HERPUD2: variants seen among roughly 807,000 people sequenced by gnomAD.
HERPUD2 encodes the protein HERPUD family member 2.
A neutral mutation model predicts 49.9 loss-of-function variants in HERPUD2; 13 were observed. The observed-to-expected ratio is 0.26, with a 90% CI of 0.17 to 0.41. The LOEUF is 0.41. Among genes scored for constraint, HERPUD2 ranks in the 10% least tolerant of loss-of-function variants. HERPUD2 has a pLI of 1.00. For missense variants in HERPUD2, 449 were observed against 492.2 expected, an observed-to-expected ratio of 0.91 and a Z score of 0.83; for synonymous variants, 172 against 171.4, an observed-to-expected ratio of 1.00 and a Z score of -0.03.
chr7:35,673,891 A>G (rs1356478357), intron 2 of HERPUD2, among the ~76,000 whole-genome samples: 1 of 152,182 alleles, frequency 6.6e-6, no homozygotes, highest in African/African-American at 2.4e-5. Context: ...ACAAGACTAA[A>G]GAAAAATCAA....
rs1786271289 is a variant in HERPUD2, at chr7:35,694,444, G to A, written c.-114C>T. 5 of 1,088,518 alleles carry A rather than the reference G, an allele frequency of 4.6e-6. No individual in the cohort carries two copies. The highest frequency in any genetic ancestry group is 5.5e-6 in the Non-Finnish European group (4 of 731,604). 67.4% of individuals were successfully genotyped at this position (1,088,518 alleles called of 1,614,324 possible). Reference sequence around the variant, plus strand: ...GACAGAAGTGAGTTCTTAGTATTCCGTGTCCAAGTCAGTTACAAGTGCACT... The same window carrying A: ...GACAGAAGTGAGTTCTTAGTATTCCATGTCCAAGTCAGTTACAAGTGCACT... On this transcript the variant is annotated 5_prime_UTR_variant, in exon 2 of 9. The change creates a new upstream start codon in the 5' untranslated region. Coordinates refer to ENST00000311350, the MANE Select transcript of HERPUD2 (RefSeq NM_022373.5).
chr7:35,677,533 T>C (rs1226462862), intron 2 of HERPUD2, among the ~76,000 whole-genome samples: 2 of 152,182 alleles, frequency 1.3e-5, no homozygotes, highest in African/African-American at 4.8e-5. Context: ...CTAATTGGAA[T>C]TGATTCAAGA....
intron 6 of HERPUD2, among the ~76,000 whole-genome samples, chr7:35,637,272 T>A (rs2115826518): frequency 6.6e-6 from 1 of 152,254 alleles, no homozygotes; most frequent in South Asian, 2.1e-4. Context: ...AAAGAGCTAT[T>A]GAAGTCAAGT....
At chr7:35,668,037 T>C (rs1785573437) in intron 4 of HERPUD2, among the ~76,000 whole-genome samples, 1 of 151,296 alleles carries the variant, frequency 6.6e-6, no homozygotes, top group Admixed American at 6.6e-5. Context: ...CATGCTATTG[T>C]TAACATATTG....
chr7:35,678,239 T>TA (rs34474837), intron 2 of HERPUD2, among the ~76,000 whole-genome samples: 130 of 145,424 alleles, frequency 8.9e-4, no homozygotes, highest in Middle Eastern at 3.5e-3. Context: ...TTCACATTAT[T>TA]AAAAAAAAAA....
At chr7:35,662,010 T>C (rs1231411543) in intron 5 of HERPUD2, among the ~76,000 whole-genome samples, 1 of 152,314 alleles carries the variant, frequency 6.6e-6, no homozygotes, top group Admixed American at 6.5e-5. Flanking sequence ...TGGCTGTGGG[T>C]GTGTCATAAA....
At chr7:35,656,998 CAA>C (rs1285561378) in intron 5 of HERPUD2, among the ~76,000 whole-genome samples, 2 of 151,998 alleles carry the variant, frequency 1.3e-5, no homozygotes, top group Non-Finnish European at 2.9e-5. Flanking sequence ...ACAACAAAAA[CAA>C]AAATAGACAA....
In HERPUD2 at chr7:35,635,255, C is replaced by A. The variant is rs765265644; in HGVS notation, c.821G>T (p.Arg274Leu). The change falls in exon 7 of 9, where the codon CGA becomes CTA. Residue 274 changes from arginine (R) to leucine (L), a missense_variant. By Grantham distance (102) the Arg-to-Leu change is moderately radical (BLOSUM62 -2). Coordinates refer to ENST00000311350, the MANE Select transcript of HERPUD2 (RefSeq NM_022373.5). ...CGTGTACATCCAGTCTAGCCAGTCT[C>A]GATTGAAGTCTTCTTCATTTAGTAC... is the stretch of plus-strand genomic sequence containing the variant. ...GPVLNEEDFN[R>L]DWLDWMYTFS... is the part of the protein sequence containing the mutation. 2 of 1,614,010 alleles carry A rather than the reference C, an allele frequency of 1.2e-6. No individual in the cohort carries two copies. The highest frequency in any genetic ancestry group is 1.7e-6 in the Non-Finnish European group (2 of 1,179,892).
At chr7:35,665,530 T>G (rs530279270) in intron 5 of HERPUD2, among the ~76,000 whole-genome samples, 10 of 152,354 alleles carry the variant, frequency 6.6e-5, no homozygotes, top group Admixed American at 6.5e-4. Flanking sequence ...GCTTCCCTTT[T>G]GTAGTAAAGG....
At chr7:35,643,118 TAGAG>T (rs1186987518) in intron 5 of HERPUD2, among the ~76,000 whole-genome samples, 2 of 152,166 alleles carry the variant, frequency 1.3e-5, no homozygotes, top group Non-Finnish European at 2.9e-5. Flanking sequence ...CCTCTAATAA[TAGAG>T]AGAAACTGGA....
chr7:35,691,000 C>T (rs1346949635), intron 2 of HERPUD2, among the ~76,000 whole-genome samples: 1 of 152,198 alleles, frequency 6.6e-6, no homozygotes, highest in Non-Finnish European at 1.5e-5. Flanking sequence ...ACACACAGAA[C>T]ATCCCTCCTG....
In HERPUD2 at chr7:35,686,735, A is replaced by C. The variant is rs551505218; in HGVS notation, c.147+7449T>G. On this transcript the variant is annotated intron_variant, in intron 2 of 8. Transcript: ENST00000311350. ...CTCCGTCTCAAAAAAAAAAAAAAAA[A>C]AAAAAAAAAACCAAACCCATTTCCA... is the stretch of plus-strand genomic sequence containing the variant. Among the ~76,000 whole-genome samples the C allele has an allele frequency of 1.0e-3, 98 of 96,384 alleles. 7 individuals carry two copies. Among genetic ancestry groups the C allele is most frequent in the African/African-American group, 4.0e-3 (85 of 21,002 alleles). The allele number at this position is 96,384 out of a possible 152,430, so 63.2% of individuals were successfully genotyped here.
At chr7:35,635,680 T>C (rs1214425330) in intron 6 of HERPUD2, among the ~76,000 whole-genome samples, 1 of 152,166 alleles carries the variant, frequency 6.6e-6, no homozygotes, top group Non-Finnish European at 1.5e-5. Context: ...CAGCCTGCTA[T>C]TGTAAGATGA....
At position 35,633,365 on chromosome 7, in the gene HERPUD2, G is replaced by T; in HGVS notation, c.*325C>A. The T allele has an allele frequency of 6.3e-6, 1 of 157,808 alleles. No homozygotes were observed. Among genetic ancestry groups the T allele is most frequent in the Non-Finnish European group, 1.4e-5 (1 of 71,784 alleles). The allele number at this position is 157,808 out of a possible 1,614,324, so 9.8% of individuals were successfully genotyped here. A position where few individuals can be genotyped will look rare whatever the true frequency, so the allele number is the denominator to read the frequency against. On this transcript the variant is annotated 3_prime_UTR_variant, in exon 9 of 9. Transcript: ENST00000311350. The stretch of plus-strand genomic sequence containing the variant: ...ATTACAGACGTGAGCCATGGCGCCC[G>T]GCCAATGAAGCAGCTCTTTAAAGAA...
intron 3 of HERPUD2, among the ~76,000 whole-genome samples, chr7:35,672,739 T>C (rs1785668837): frequency 6.6e-6 from 1 of 152,112 alleles, no homozygotes; most frequent in Non-Finnish European, 1.5e-5. Context: ...TATTGAAATA[T>C]ATCTTAGCTC....
chr7:35,663,846 C>T (rs1785482687), intron 5 of HERPUD2, among the ~76,000 whole-genome samples: 1 of 152,074 alleles, frequency 6.6e-6, no homozygotes, highest in South Asian at 2.1e-4. Flanking sequence ...TGACTCTATC[C>T]AATTTGCCAG....
chr7:35,660,702 T>C (rs1190624153), intron 5 of HERPUD2, among the ~76,000 whole-genome samples: 1 of 152,224 alleles, frequency 6.6e-6, no homozygotes, highest in Non-Finnish European at 1.5e-5. Context: ...GTTCATATAC[T>C]TTGCCCACTT....
chr7:35,674,814 C>A (rs1331288866), intron 2 of HERPUD2, among the ~76,000 whole-genome samples: 3 of 152,062 alleles, frequency 2.0e-5, no homozygotes, highest in Non-Finnish European at 4.4e-5. Flanking sequence ...TAGAATGAGT[C>A]GAAGTTCCTC....
At chr7:35,663,151 T>C (rs1420815573) in intron 5 of HERPUD2, among the ~76,000 whole-genome samples, 2 of 152,228 alleles carry the variant, frequency 1.3e-5, no homozygotes, top group East Asian at 1.9e-4. Flanking sequence ...CAGGAGCAGG[T>C]TGTTCAGTTT....
Sources: allele counts gnomAD v4.1 joint callset (sites outside exome capture counted in the v4.1 genomes callset), GRCh38; gene constraint gnomAD v4.1.1; transcripts MANE v1.5; gene names NCBI Gene and HGNC (gene_info 2026-07-23, HGNC 2026-07-21).